The following SH3TC1 variants were observed in gnomAD, a reference collection of about 807,000 sequenced individuals.
SH3TC1 encodes SH3 domain and tetratricopeptide repeat-containing protein 1.
Under a neutral mutation model 117.3 loss-of-function variants are expected in SH3TC1, and 135 were observed. The observed-to-expected ratio is 1.15, with a 90% CI of 1.00 to 1.33. SH3TC1 has a LOEUF of 1.33. Among genes scored for constraint, SH3TC1 ranks in the 40% most tolerant of loss-of-function variants. The pLI is 0.00. For synonymous variants in SH3TC1, 898 were observed against 816.9 expected (o/e 1.10, Z -1.69); for missense variants, 2,092 against 1,794.3 (o/e 1.17, Z -3.00).
chr4:8,227,870 G>A lies in SH3TC1; in HGVS notation c.2176G>A (p.Val726Met). The A allele has an allele frequency of 6.2e-7, 1 of 1,612,836 alleles. No individual in the cohort carries two copies. Among genetic ancestry groups the A allele is most frequent in the Non-Finnish European group, 8.5e-7 (1 of 1,179,988 alleles). ...CAGCCGCAAGTGCCTGCCCCACCTG[G>A]TGCTGAGCTGTGTCAAGGTGGCCTC... is the stretch of plus-strand genomic sequence containing the variant. ...IYSRKCLPHL[V>M]LSCVKVASLR... The change falls in exon 12 of 18, where the codon GTG becomes ATG. Residue 726 changes from valine to methionine, a missense_variant. By Grantham distance (21) the Val-to-Met change is conservative. Transcript: ENST00000245105.
Position 8,218,143 on chromosome 4 carries a change from T to C in SH3TC1, c.840-128T>C, listed in dbSNP as rs535437724. On this transcript the variant is annotated intron_variant, in intron 7 of 17. Coordinates refer to ENST00000245105, the MANE Select transcript of SH3TC1 (RefSeq NM_018986.5). ...GTGTGTGTGTGTGTGTGTGCACGTG[T>C]GTGTGTTGGGGGAGGCGAGGGACCT... 1.4e-4 allele frequency: 84 copies of C among 599,170 alleles called. No homozygotes were observed. The East Asian group carries it at 2.0e-3, about 14-fold the overall frequency. The allele number at this position is 599,170 out of a possible 1,614,324, so 37.1% of individuals were successfully genotyped here. A position where few individuals can be genotyped will look rare whatever the true frequency, so the allele number is the denominator to read the frequency against.
intron 3 of SH3TC1, among the ~76,000 whole-genome samples, chr4:8,212,265 T>C (rs1718812354): frequency 1.3e-5 from 2 of 150,828 alleles, no homozygotes; most frequent in Non-Finnish European, 2.9e-5. Context: ...ACAGTCACCA[T>C]GGGCGTGGAG....
chr4:8,187,233 G>A (rs967089361), intron 1 of SH3TC1, among the ~76,000 whole-genome samples: 4 of 152,334 alleles, frequency 2.6e-5, no homozygotes, highest in Middle Eastern at 6.8e-3. Context: ...GGAAGACCAC[G>A]ACAGCAAAGT....
chr4:8,237,819 G>C (rs1206733558), intron 17 of SH3TC1, 149 bp downstream of exon 17: 3 of 888,100 alleles, frequency 3.4e-6, no homozygotes, highest in African/African-American at 3.5e-5. Flanking sequence ...GAGCTGGCAA[G>C]GTTAGCAGAC....
Position 8,236,302 on chromosome 4 carries a change from A to T in SH3TC1, c.3430A>T (p.Thr1144Ser), listed in dbSNP as rs941258186. The change falls in exon 16 of 18, where the codon ACT (threonine) becomes TCT (serine). Residue 1144 changes from threonine to serine, a missense_variant. Thr to Ser is a moderately conservative substitution (Grantham distance 58). Coordinates refer to ENST00000245105, the MANE Select transcript of SH3TC1 (RefSeq NM_018986.5). ...GGACCGGGCCCTGCCCCTGGCAGTG[A>T]CTACGGGCAACCGCAAGGCGGAGCT... is the stretch of plus-strand genomic sequence containing the variant. ...YRDRALPLAV[T>S]TGNRKAELRL... 2 of 1,555,860 alleles carry T rather than the reference A, an allele frequency of 1.3e-6. No individual in the cohort carries two copies. Among genetic ancestry groups the T allele is most frequent in the East Asian group, 4.8e-5 (2 of 41,596 alleles).
At chr4:8,198,129 C>T (rs746544227), upstream of SH3TC1, among the ~76,000 whole-genome samples, 2 of 152,112 alleles carry the variant, frequency 1.3e-5, no homozygotes, top group Non-Finnish European at 2.9e-5. Context: ...AAGAAGGATG[C>T]GGCCCCAAAT....
Position 8,212,829 on chromosome 4 carries a change from G to A in SH3TC1, c.375+1G>A. Reference sequence around the variant, plus strand: ...CCGGGAGATGGCCCGCGTGCTTGGGGTGAGTAGCCCTCTGGGGCCTGCTCA... The same window carrying A: ...CCGGGAGATGGCCCGCGTGCTTGGGATGAGTAGCCCTCTGGGGCCTGCTCA... On this transcript the variant is annotated splice_donor_variant, in intron 4 of 17. Transcript: ENST00000245105. LOFTEE classifies it high-confidence loss of function. 6 of 1,571,574 alleles carry A rather than the reference G, an allele frequency of 3.8e-6. No homozygotes were observed. Among genetic ancestry groups the A allele is most frequent in the Non-Finnish European group, 4.3e-6 (5 of 1,158,376 alleles).
At chr4:8,226,032 T>G (rs138426182) in intron 11 of SH3TC1, among the ~76,000 whole-genome samples, 1 of 152,234 alleles carries the variant, frequency 6.6e-6, no homozygotes, top group Non-Finnish European at 1.5e-5. Context: ...TCAAGTCACA[T>G]TTGCCTCTAA....
Position 8,192,476 on chromosome 4 carries a change from AT to A in SH3TC1, c.-57+10270del, listed in dbSNP as rs1260288397. Among the ~76,000 whole-genome samples, 1 of 149,602 alleles carries A rather than the reference AT, an allele frequency of 6.7e-6. No homozygotes were observed. Among genetic ancestry groups the A allele is most frequent in the African/African-American group, 2.5e-5 (1 of 40,426 alleles). ...ATTTTATTTTATTTTATTTTATTTT[AT>A]TTTATTTTATTTTATTTTATTTCAT... On this transcript the variant is annotated intron_variant, in intron 1 of 16. Transcript: ENST00000508641. The surrounding 1 kb of genome is among the most constrained non-coding windows in gnomAD (Gnocchi z 4.1).
At chr4:8,222,780 A>C in intron 9 of SH3TC1, 60 bp from the exon 10 acceptor site, 3 of 1,581,080 alleles carry the variant, frequency 1.9e-6, no homozygotes, top group Non-Finnish European at 2.6e-6. Context: ...AAATGTGCTT[A>C]GTGTGAAATG....
At chr4:8,213,955 C>T (rs932209873) in intron 4 of SH3TC1, among the ~76,000 whole-genome samples, 35 of 151,784 alleles carry the variant, frequency 2.3e-4, no homozygotes, top group African/African-American at 7.7e-4. Flanking sequence ...TCTAATAGTA[C>T]CCCCCGACAC....
At chr4:8,233,669 T>A (rs56403236) in intron 14 of SH3TC1, among the ~76,000 whole-genome samples, 156 bp downstream of exon 14, 44,115 of 150,234 alleles carry the variant, frequency 0.29, 7,601 homozygotes, top group Non-Finnish European at 0.39. Context: ...ATCTACCCAT[T>A]CACCTATGGG....
At chr4:8,229,773 A>G (rs982347326) in intron 12 of SH3TC1, among the ~76,000 whole-genome samples, 1 of 151,984 alleles carries the variant, frequency 6.6e-6, no homozygotes, top group Non-Finnish European at 1.5e-5. Context: ...ACCCTCCAGA[A>G]ACCCGGCACC....
chr4:8,204,440 C>T (rs1232616487), intron 1 of SH3TC1, among the ~76,000 whole-genome samples: 3 of 152,174 alleles, frequency 2.0e-5, no homozygotes, highest in Admixed American at 6.5e-5. Context: ...CATTGCTCCC[C>T]GAGGCTCTGG....
chr4:8,222,715 C>T (rs896169811), intron 9 of SH3TC1, 125 bp from the exon 10 acceptor site: 5 of 1,216,124 alleles, frequency 4.1e-6, no homozygotes, highest in African/African-American at 1.5e-5. Context: ...TCTGTCTCTA[C>T]CCCTGGGCAG....
At chr4:8,196,097 T>C (rs1195423722), upstream of SH3TC1, among the ~76,000 whole-genome samples, 1 of 152,206 alleles carries the variant, frequency 6.6e-6, no homozygotes, top group Non-Finnish European at 1.5e-5. The surrounding 1 kb of genome is among the most constrained non-coding windows in gnomAD (Gnocchi z 4.6). Context: ...GGCACGGGCA[T>C]TTGTTACATG....
Position 8,190,701 on chromosome 4 carries a change from T to C in SH3TC1, c.-57+8491T>C, listed in dbSNP as rs756703826. On this transcript the variant is annotated intron_variant, in intron 1 of 16. Coordinates refer to the SH3TC1 transcript ENST00000508641. The surrounding 1 kb of genome is among the most constrained non-coding windows in gnomAD (Gnocchi z 4.7). ...TGTCGCCCAGGCTGGAGTGCAGTAGTGTGGTTATCGCTCGCTGCAGCCTCC... is the reference window on the plus strand; with the variant it reads ...TGTCGCCCAGGCTGGAGTGCAGTAGCGTGGTTATCGCTCGCTGCAGCCTCC... 6.6e-6 allele frequency among the ~76,000 whole-genome samples: 1 copy of C among 151,954 alleles called. No homozygotes were observed. Among genetic ancestry groups the C allele is most frequent in the Non-Finnish European group, 1.5e-5 (1 of 67,952 alleles).
chr4:8,193,569 G>A (rs1423622523), intron 1 of SH3TC1, among the ~76,000 whole-genome samples: 2 of 152,066 alleles, frequency 1.3e-5, no homozygotes, highest in Admixed American at 1.3e-4. Context: ...TTCCTCCCAG[G>A]CCTCCCTTTG....
intron 7 of SH3TC1, 23 bp from the exon 8 acceptor site, chr4:8,218,248 A>G (rs756933443): frequency 6.3e-7 from 1 of 1,598,156 alleles, no homozygotes; most frequent in Non-Finnish European, 8.6e-7. Context: ...CCCGCAGCAA[A>G]GACCTCCCTC....
Sources: gnomAD v4.1 joint callset for allele counts (sites outside exome capture counted in the v4.1 genomes callset) on GRCh38, gnomAD v4.1.1 for gene constraint, Gnocchi (gnomAD v3.1) non-coding constraint, MANE v1.5 for transcripts, NCBI Gene and HGNC (gene_info 2026-07-23, HGNC 2026-07-21) for gene names.